Variants in SPRY3 observed in about 807,000 individuals in gnomAD.
The protein encoded by SPRY3 is sprouty RTK signaling antagonist 3.
SPRY3 carries 15 observed loss-of-function variants against 20.2 expected under a neutral mutation model. That is an observed-to-expected ratio of 0.74 (90% CI 0.50 to 1.14). The LOEUF (loss-of-function observed/expected upper bound fraction) is 1.14. SPRY3 is among the 50% of genes most tolerant of loss of function. SPRY3 has a pLI of 0.00. For synonymous variants in SPRY3, 143 were observed against 136.5 expected, an observed-to-expected ratio of 1.05 and a Z score of -0.33; for missense variants, 364 against 363.9, an observed-to-expected ratio of 1.00 and a Z score of 0.00.
At chrX:155,664,329 G>A (rs2068018502) in intron 2 of SPRY3, among the ~76,000 whole-genome samples, 1 of 109,046 alleles carries the variant, frequency 9.2e-6, no homozygotes, top group African/African-American at 3.3e-5. Flanking sequence ...CAATAAATAT[G>A]GATTAAGGAT....
intron 2 of SPRY3, among the ~76,000 whole-genome samples, chrX:155,761,137 C>A (rs776080924): frequency 6.6e-6 from 1 of 152,216 alleles, no homozygotes; most frequent in Non-Finnish European, 1.5e-5. Flanking sequence ...CCACCAAAAC[C>A]ATTTTCAATA....
intron 2 of SPRY3, among the ~76,000 whole-genome samples, chrX:155,708,939 A>G (rs146702531): frequency 0.013 from 2,028 of 151,234 alleles, 53 homozygotes; most frequent in African/African-American, 0.047. Context: ...TCTATACTCT[A>G]TCTCCATTAG....
chrX:155,745,225 G>A (rs773555247), intron 2 of SPRY3, among the ~76,000 whole-genome samples: 1 of 152,238 alleles, frequency 6.6e-6, no homozygotes, highest in South Asian at 2.1e-4. Context: ...GGGTCAGCTA[G>A]TTGGTGTTCC....
intron 2 of SPRY3, among the ~76,000 whole-genome samples, chrX:155,714,506 C>T (rs1247243975): frequency 2.0e-5 from 3 of 152,142 alleles, no homozygotes; most frequent in African/African-American, 7.2e-5. Context: ...CTTACTTTCT[C>T]CCAAACATAT....
At chrX:155,769,626 T>C (rs947262582) in intron 3 of SPRY3, among the ~76,000 whole-genome samples, 1 of 152,218 alleles carries the variant, frequency 6.6e-6, no homozygotes, top group African/African-American at 2.4e-5. Context: ...CATTTGGTAT[T>C]ACAAATTTTC....
At chrX:155,747,625 A>C (rs1356691863) in intron 2 of SPRY3, among the ~76,000 whole-genome samples, 2 of 151,918 alleles carry the variant, frequency 1.3e-5, no homozygotes, top group African/African-American at 4.8e-5. Context: ...TAATAATTTT[A>C]CAGTATGGTG....
intron 2 of SPRY3, among the ~76,000 whole-genome samples, chrX:155,721,511 A>G (rs2091057683): frequency 6.6e-6 from 1 of 152,148 alleles, no homozygotes; most frequent in Admixed American, 6.5e-5. Flanking sequence ...TTAATAATCA[A>G]ACTCCCAAAG....
intron 3 of SPRY3, among the ~76,000 whole-genome samples, chrX:155,768,531 G>A (rs1327539853): frequency 2.0e-5 from 3 of 152,152 alleles, no homozygotes; most frequent in Admixed American, 1.3e-4. Context: ...GCTGCCCAGC[G>A]GGCATCCTGT....
At chrX:155,759,413 C>G (rs2091295624) in intron 2 of SPRY3, among the ~76,000 whole-genome samples, 1 of 152,102 alleles carries the variant, frequency 6.6e-6, no homozygotes, top group African/African-American at 2.4e-5. Context: ...TGCTCCTTTC[C>G]AAAACACATG....
chrX:155,715,938 G>T (rs1299966499), intron 2 of SPRY3, among the ~76,000 whole-genome samples: 1 of 152,122 alleles, frequency 6.6e-6, no homozygotes, highest in East Asian at 1.9e-4. Flanking sequence ...CACTGCCAGG[G>T]GATGGAGGAG....
intron 1 of SPRY3, among the ~76,000 whole-genome samples, chrX:155,651,078 C>CTT (rs374328833): frequency 3.0e-3 from 304 of 100,790 alleles, no homozygotes; most frequent in African/African-American, 0.011. Context: ...GATGTTATCA[C>CTT]TTTTTTTTTT....
chrX:155,671,156 G>T (rs1557354708), intron 2 of SPRY3, among the ~76,000 whole-genome samples: 2 of 111,965 alleles, frequency 1.8e-5, no homozygotes, highest in Non-Finnish European at 3.8e-5. Flanking sequence ...GTAAGTTGGG[G>T]GCTGGGGATG....
intron 3 of SPRY3, among the ~76,000 whole-genome samples, chrX:155,769,764 G>A (rs757030976): frequency 2.5e-4 from 38 of 152,294 alleles, no homozygotes; most frequent in Non-Finnish European, 4.9e-4. Flanking sequence ...AATAGGACTA[G>A]GGTAGCAAAG....
chrX:155,717,758 G>T (rs758275672), intron 2 of SPRY3, among the ~76,000 whole-genome samples: 2 of 151,966 alleles, frequency 1.3e-5, no homozygotes, highest in Non-Finnish European at 1.5e-5. Flanking sequence ...ATGGCTGCAG[G>T]GTATTCCATG....
At chrX:155,726,328 A>G in intron 2 of SPRY3, among the ~76,000 whole-genome samples, 1 of 152,244 alleles carries the variant, frequency 6.6e-6, no homozygotes, top group East Asian at 1.9e-4. Flanking sequence ...GTAGATGTCT[A>G]TTACATCTAC....
chrX:155,764,514 A>C (rs1352903052), intron 2 of SPRY3, among the ~76,000 whole-genome samples: 1 of 152,216 alleles, frequency 6.6e-6, no homozygotes, highest in African/African-American at 2.4e-5. Flanking sequence ...ATATTCATGT[A>C]GATTTCCAAA....
chrX:155,732,982 G>C (rs2091143918), intron 2 of SPRY3, among the ~76,000 whole-genome samples: 1 of 152,018 alleles, frequency 6.6e-6, no homozygotes, highest in Non-Finnish European at 1.5e-5. Flanking sequence ...CGGAGATAGA[G>C]AGCAGAATGA....
chrX:155,628,688 C>G (rs977972016), intron 1 of SPRY3, among the ~76,000 whole-genome samples: 4 of 111,943 alleles, frequency 3.6e-5, no homozygotes, highest in Non-Finnish European at 7.5e-5. Context: ...GCTGGCAAGG[C>G]TTTTTTAAAT....
rs306893 is a variant in SPRY3 at position 155,753,921 on chromosome X, G to T, written c.-281-14041G>T. Among the ~76,000 whole-genome samples, 398 of 151,722 alleles carry T rather than the reference G, an allele frequency of 2.6e-3. 4 individuals are homozygous for T. Among genetic ancestry groups the T allele is most frequent in the African/African-American group, 9.0e-3 (371 of 41,410 alleles). On this transcript the variant is annotated intron_variant, in intron 2 of 3. Transcript: ENST00000675360. ...AGAGATGTCTATTCAAATCCTTTGC[G>T]CATTTTTCCATTTGTTTCTTTGTTT...
Sources: gnomAD v4.1 joint callset for allele counts (sites outside exome capture counted in the v4.1 genomes callset) on GRCh38, gnomAD v4.1.1 for gene constraint, MANE v1.5 for transcripts, NCBI Gene and HGNC (gene_info 2026-07-23, HGNC 2026-07-21) for gene names.